Variants in AFF3 observed in about 807,000 individuals in gnomAD.
AFF3 encodes the protein AF4/FMR2 family member 3.
Under a neutral mutation model 129.7 loss-of-function variants are expected in AFF3, and 32 were observed. The ratio of observed to expected loss-of-function variants is 0.25; its 90% CI spans 0.19 to 0.33. AFF3 has a LOEUF of 0.33. Among genes scored for constraint, AFF3 ranks in the 10% least tolerant of loss-of-function variants. The pLI is 1.00. For synonymous variants in AFF3, 644 were observed against 635.4 expected (o/e 1.01, Z -0.20); for missense variants, 1,373 against 1,592.0 (o/e 0.86, Z 2.34).
intron 8 of AFF3, among the ~76,000 whole-genome samples, chr2:99,793,024 C>T (rs1484494061): frequency 6.6e-6 from 1 of 152,042 alleles, no homozygotes; most frequent in Admixed American, 6.6e-5. Context: ...GATATTTGTC[C>T]CCTTCAAATC....
intron 7 of AFF3, among the ~76,000 whole-genome samples, chr2:99,897,322 T>G (rs886394466): frequency 6.6e-6 from 1 of 152,146 alleles, no homozygotes; most frequent in Non-Finnish European, 1.5e-5. Context: ...TGCAATTAAT[T>G]TGAAAATAAA....
intron 7 of AFF3, among the ~76,000 whole-genome samples, chr2:99,917,482 G>A (rs1226955717): frequency 6.6e-6 from 1 of 152,018 alleles, no homozygotes; most frequent in Admixed American, 6.5e-5. Context: ...CCCTTTTTGT[G>A]TGAGTTCTGC....
At chr2:99,749,970 C>A (rs898832443) in intron 9 of AFF3, among the ~76,000 whole-genome samples, 1 of 152,138 alleles carries the variant, frequency 6.6e-6, no homozygotes, top group Admixed American at 6.5e-5. Flanking sequence ...TAATAACTTA[C>A]TGACCATTGA....
chr2:99,783,307 A>G (rs1157870708), intron 8 of AFF3, among the ~76,000 whole-genome samples: 2 of 152,176 alleles, frequency 1.3e-5, no homozygotes, highest in Admixed American at 1.3e-4. Flanking sequence ...AAGCTGTTGC[A>G]CACCACCTCC....
At chr2:100,085,429 T>C (rs1282862845) in intron 4 of AFF3, among the ~76,000 whole-genome samples, 1 of 151,962 alleles carries the variant, frequency 6.6e-6, no homozygotes, top group Non-Finnish European at 1.5e-5. Context: ...TTATGCAACA[T>C]CATTTCCTCC....
intron 4 of AFF3, among the ~76,000 whole-genome samples, chr2:100,033,463 A>G (rs944712554): frequency 6.6e-6 from 1 of 152,332 alleles, no homozygotes; most frequent in African/African-American, 2.4e-5. Flanking sequence ...AGTTACTTGC[A>G]ACTCTCTGAA....
intron 8 of AFF3, among the ~76,000 whole-genome samples, chr2:99,797,959 T>A (rs1685667706): frequency 6.6e-6 from 1 of 152,048 alleles, no homozygotes; most frequent in African/African-American, 2.4e-5. Flanking sequence ...AATATAAATA[T>A]ACCCAAAGCA....
chr2:99,664,231 C>T (rs2104359594), intron 12 of AFF3, among the ~76,000 whole-genome samples: 1 of 152,322 alleles, frequency 6.6e-6, no homozygotes, highest in South Asian at 2.1e-4. Flanking sequence ...ATATTTTGTG[C>T]TATTTCCAGT....
At chr2:99,730,941 A>T (rs547572235) in intron 10 of AFF3, among the ~76,000 whole-genome samples, 8 of 152,096 alleles carry the variant, frequency 5.3e-5, no homozygotes, top group African/African-American at 1.9e-4. Context: ...CCCTTCAATG[A>T]TTAGTCTAAG....
At chr2:100,095,793 C>T (rs1023674699) in intron 4 of AFF3, among the ~76,000 whole-genome samples, 3 of 152,230 alleles carry the variant, frequency 2.0e-5, no homozygotes, top group Non-Finnish European at 4.4e-5. Context: ...CATTATCCAT[C>T]CTATATGCAA....
chr2:99,921,441 T>C (rs1055832969), intron 7 of AFF3, among the ~76,000 whole-genome samples: 4 of 152,016 alleles, frequency 2.6e-5, no homozygotes, highest in Non-Finnish European at 5.9e-5. Context: ...AACAGGACAT[T>C]ATGGGGAAAA....
rs1678980683 is a variant in AFF3, at chr2:99,593,750, G to A, written c.1911C>T (p.His637=). The A allele has an allele frequency of 3.1e-6, 5 of 1,612,896 alleles. No individual in the cohort carries two copies. The highest frequency in any genetic ancestry group is 4.2e-6 in the Non-Finnish European group (5 of 1,179,924). Residue 637 remains histidine, a synonymous_variant, in exon 15 of 25, where the codon CAC becomes CAT. Transcript: ENST00000672756. Reference sequence around the variant, plus strand: ...TCACGGAGGAGCGCAGCTCCTTGCGGTGGCTCGCTCTGTTGTTGCCACAGG... The same window carrying A: ...TCACGGAGGAGCGCAGCTCCTTGCGATGGCTCGCTCTGTTGTTGCCACAGG... ...TRPCGNNRAS[H]RKELRSSVTC... is the part of the protein sequence containing the mutation.
chr2:99,869,229 G>A (rs1023326368), intron 7 of AFF3, among the ~76,000 whole-genome samples: 5 of 151,914 alleles, frequency 3.3e-5, no homozygotes, highest in Admixed American at 6.6e-5. Context: ...CCCAGGAAGC[G>A]GTAAACTACA....
intron 11 of AFF3, among the ~76,000 whole-genome samples, chr2:99,714,931 A>C (rs1331880902): frequency 6.6e-6 from 1 of 152,216 alleles, no homozygotes; most frequent in Non-Finnish European, 1.5e-5. Flanking sequence ...ATATGACTCC[A>C]AGTTGCACAT....
intron 7 of AFF3, among the ~76,000 whole-genome samples, chr2:99,930,422 C>T (rs1217309262): frequency 2.6e-5 from 4 of 152,170 alleles, no homozygotes; most frequent in Non-Finnish European, 4.4e-5. Flanking sequence ...TGACACCAGC[C>T]ACGTGTACCA....
chr2:99,910,779 A>C (rs776507279), intron 7 of AFF3, among the ~76,000 whole-genome samples: 2 of 152,254 alleles, frequency 1.3e-5, no homozygotes, highest in Non-Finnish European at 2.9e-5. Flanking sequence ...GTCACCTTAC[A>C]TTCTTTTCTA....
At chr2:100,129,625 A>G (rs1424782053) in intron 1 of AFF3, among the ~76,000 whole-genome samples, 1 of 152,180 alleles carries the variant, frequency 6.6e-6, no homozygotes, top group Non-Finnish European at 1.5e-5. Context: ...CAATACGTCT[A>G]ATTCACTTGT....
intron 7 of AFF3, among the ~76,000 whole-genome samples, chr2:99,851,825 C>T (rs1690167426): frequency 6.6e-6 from 1 of 152,190 alleles, no homozygotes; most frequent in African/African-American, 2.4e-5. Flanking sequence ...AACCTGCCAA[C>T]ACTTCACAAT....
At chr2:99,682,109 G>T (rs1233032945) in intron 11 of AFF3, among the ~76,000 whole-genome samples, 7 of 151,932 alleles carry the variant, frequency 4.6e-5, no homozygotes, top group African/African-American at 1.7e-4. Context: ...GTTTTGCCAT[G>T]TTGACCAGGC....
Sources: allele counts gnomAD v4.1 joint callset (sites outside exome capture counted in the v4.1 genomes callset), GRCh38; gene constraint gnomAD v4.1.1; transcripts MANE v1.5; gene names NCBI Gene and HGNC (gene_info 2026-07-23, HGNC 2026-07-21).